Variants in STON1 observed in about 807,000 individuals in gnomAD.
The protein encoded by STON1 is stonin 1, also known as stonin-1.
A neutral mutation model predicts 60.9 loss-of-function variants in STON1; 79 were observed. That is an observed-to-expected ratio of 1.30 (90% CI 1.08 to 1.56). The LOEUF is 1.56. Ranked by LOEUF, STON1 falls within the 40% of genes most tolerant of loss-of-function variation. The probability of loss-of-function intolerance (pLI) is 0.00; values close to 1 mark genes in which losing one functional copy is unlikely to be tolerated. For missense variants in STON1, 1,166 were observed against 858.9 expected (o/e 1.36, Z -4.47); for synonymous variants, 363 against 306.9 (o/e 1.18, Z -1.91).
chr2:48,552,164 C>G (rs1371045703), intron 1 of STON1, among the ~76,000 whole-genome samples: 1 of 152,288 alleles, frequency 6.6e-6, no homozygotes, highest in Non-Finnish European at 1.5e-5. Context: ...ATTATTCAGC[C>G]TTAAAAAGGA....
At position 48,555,521 on chromosome 2, in the gene STON1, C is replaced by G. The variant is rs1402968192; in HGVS notation, c.-47-25066C>G. On this transcript the variant is annotated intron_variant, in intron 1 of 3. Coordinates refer to ENST00000404752, the MANE Select transcript of STON1 (RefSeq NM_006873.4). ...GGGGCTGACCCCCCCACCTCCCTCA[C>G]GGACGAGGCGGCTGGCCGGGCGTGG... Among the ~76,000 whole-genome samples, 2 of 64,232 alleles carry G rather than the reference C, an allele frequency of 3.1e-5. 1 individual carries two copies. The highest frequency in any genetic ancestry group is 1.2e-4 in the African/African-American group (2 of 16,292). The allele number at this position is 64,232 out of a possible 152,430, so 42.1% of individuals were successfully genotyped here. A position where few individuals can be genotyped will look rare whatever the true frequency, so the allele number is the denominator to read the frequency against.
intron 1 of STON1, among the ~76,000 whole-genome samples, chr2:48,556,230 C>T (rs1267211015): frequency 2.4e-4 from 8 of 33,082 alleles, no homozygotes; most frequent in African/African-American, 6.7e-4. Flanking sequence ...GACCCCCCCA[C>T]CTCCCTCCCG....
At chr2:48,576,140 G>A (rs370506726) in intron 1 of STON1, among the ~76,000 whole-genome samples, 5 of 150,332 alleles carry the variant, frequency 3.3e-5, no homozygotes, top group African/African-American at 9.8e-5. Context: ...AATGCACAAG[G>A]GTTCCGATTT....
intron 1 of STON1, among the ~76,000 whole-genome samples, chr2:48,559,372 C>T (rs1672516263): frequency 6.6e-6 from 1 of 152,070 alleles, no homozygotes; most frequent in African/African-American, 2.4e-5. Context: ...CTGCTGAGGT[C>T]CTGTTCCTCA....
chr2:48,588,488 CCACAGCACGTGCCAT>C (rs1674335666), intron 2 of STON1, among the ~76,000 whole-genome samples: 2 of 152,172 alleles, frequency 1.3e-5, no homozygotes, highest in South Asian at 4.1e-4. Context: ...GTAGCTGGGA[CCACAGCACGTGCCAT>C]CACACCTGGT....
chr2:48,566,116 G>A (rs188009695), intron 1 of STON1, among the ~76,000 whole-genome samples: 1 of 152,310 alleles, frequency 6.6e-6, no homozygotes, highest in East Asian at 1.9e-4. Context: ...TATTGCAACA[G>A]GGAAAAGAGT....
chr2:48,595,410 T>C lies in STON1; in HGVS notation c.*108T>C, dbSNP rs951715999. The C allele has an allele frequency of 4.3e-6, 4 of 941,078 alleles. No homozygotes were observed. The African/African-American group carries it at 5.0e-5, about 12-fold the overall frequency. The allele number at this position is 941,078 out of a possible 1,614,324, so 58.3% of individuals were successfully genotyped here. ...GGAAATGACTTCTGAATAGCGGTTT[T>C]AGGACAGGTCTGATGGCTGTGTTTA... is the stretch of plus-strand genomic sequence containing the variant. On this transcript the variant is annotated 3_prime_UTR_variant, in exon 4 of 4. Transcript: ENST00000404752.
intron 1 of STON1, among the ~76,000 whole-genome samples, chr2:48,562,620 G>A (rs1475834354): frequency 6.6e-6 from 1 of 152,222 alleles, no homozygotes; most frequent in African/African-American, 2.4e-5. Context: ...AATGCCATGA[G>A]AGGCCAGGTG....
rs995539343 is a variant in STON1 at position 48,538,769 on chromosome 2, T to C, written c.-48+8553T>C. Reference sequence around the variant, plus strand: ...TGCGCCACCACACCCAGCTATTTTTTTTTTTTTTTTTTTTTTTTTTATATT... The same window carrying C: ...TGCGCCACCACACCCAGCTATTTTTCTTTTTTTTTTTTTTTTTTTTATATT... On this transcript the variant is annotated intron_variant, in intron 1 of 3. Coordinates refer to ENST00000404752, the MANE Select transcript of STON1 (RefSeq NM_006873.4). 7.5e-5 allele frequency among the ~76,000 whole-genome samples: 11 copies of C among 147,564 alleles called. No homozygotes were observed. In the East Asian group the frequency reaches 2.2e-3, roughly 29 times the overall value.
intron 1 of STON1, among the ~76,000 whole-genome samples, chr2:48,541,816 G>A (rs1184469480): frequency 6.6e-6 from 1 of 151,808 alleles, no homozygotes; most frequent in East Asian, 1.9e-4. Flanking sequence ...CGGGAGAGAA[G>A]AGGTCTGAAT....
intron 1 of STON1, among the ~76,000 whole-genome samples, chr2:48,540,113 A>C (rs1671596941): frequency 6.6e-6 from 1 of 151,474 alleles, no homozygotes; most frequent in Admixed American, 6.6e-5. Flanking sequence ...CCTAACTTCC[A>C]CTTCCCTCTG....
At chr2:48,577,218 G>A (rs1673566149) in intron 1 of STON1, among the ~76,000 whole-genome samples, 1 of 151,958 alleles carries the variant, frequency 6.6e-6, no homozygotes, top group African/African-American at 2.4e-5. Flanking sequence ...CCTGTGCTTT[G>A]CTGTCATATC....
At chr2:48,571,110 C>A (rs902019671) in intron 1 of STON1, among the ~76,000 whole-genome samples, 3 of 152,102 alleles carry the variant, frequency 2.0e-5, no homozygotes, top group African/African-American at 7.2e-5. Flanking sequence ...CCCGCCTTGG[C>A]CTTCCAAAGT....
Position 48,581,285 on chromosome 2 carries a change from C to CA in STON1, c.658dup (p.Ser220LysfsTer4). The CA allele has an allele frequency of 6.6e-7, 1 of 1,519,518 alleles. No homozygotes were observed. The highest frequency in any genetic ancestry group is 8.8e-7 in the Non-Finnish European group (1 of 1,137,540). 94.1% of individuals were successfully genotyped at this position (1,519,518 alleles called of 1,614,324 possible). A position where few individuals can be genotyped will look rare whatever the true frequency, so the allele number is the denominator to read the frequency against. ...AAGAAACAAGGAGATGCCTATTGAC[C>CA]AAAAAAGCCTAAATAAGTGTTCACT... On this transcript the variant is annotated frameshift_variant, in exon 2 of 4. Transcript: ENST00000404752. LOFTEE classifies it high-confidence loss of function.
intron 2 of STON1, 113 bp from the exon 3 acceptor site, chr2:48,591,540 T>A (rs1674512253): frequency 1.4e-6 from 2 of 1,407,296 alleles, no homozygotes; most frequent in Non-Finnish European, 1.9e-6. Context: ...TTTGCACTGC[T>A]GCAGTGCTAA....
At chr2:48,554,204 C>CTTTAT (rs967052783) in intron 1 of STON1, among the ~76,000 whole-genome samples, 3 of 152,014 alleles carry the variant, frequency 2.0e-5, no homozygotes, top group Admixed American at 6.6e-5. Context: ...GGTGTTACTC[C>CTTTAT]TTTATTTTAT....
chr2:48,541,576 G>A (rs1466396625), intron 1 of STON1, among the ~76,000 whole-genome samples: 2 of 149,350 alleles, frequency 1.3e-5, no homozygotes, highest in Non-Finnish European at 3.0e-5. Context: ...GTGCACGCCT[G>A]TAGTCCCAGC....
Position 48,582,535 on chromosome 2 carries a change from GATAGAT to G in STON1, c.1903_1908del (p.Ile635_Asp636del), listed in dbSNP as rs780407568. ...GTGCCTACCAGGCAGTGGTATGGAA[GATAGAT>G]CGGCTTCCAGACAAAAATTCAAGTA... is the stretch of plus-strand genomic sequence containing the variant. On this transcript the variant is annotated inframe_deletion, in exon 2 of 4. Transcript: ENST00000404752. 6.2e-6 allele frequency: 10 copies of G among 1,609,896 alleles called. No homozygotes were observed. The South Asian group carries it at 1.1e-4, about 18-fold the overall frequency.
At position 48,591,706 on chromosome 2, in the gene STON1, G is replaced by GA; in HGVS notation, c.1987dup (p.Ile663AsnfsTer4). 6.2e-7 allele frequency: 1 copy of GA among 1,614,090 alleles called. No individual in the cohort carries two copies. The highest frequency in any genetic ancestry group is 2.2e-5 in the East Asian group (1 of 44,880). Reference sequence around the variant, plus strand: ...CAAATTAGAGCTTGGATCAGACCAAGAAATTCCCTCTGATTGGTATCCATT... The same window carrying GA: ...CAAATTAGAGCTTGGATCAGACCAAGAAAATTCCCTCTGATTGGTATCCATT... On this transcript the variant is annotated frameshift_variant, in exon 3 of 4. Coordinates refer to ENST00000404752, the MANE Select transcript of STON1 (RefSeq NM_006873.4). LOFTEE classifies it high-confidence loss of function.
Sources: allele counts gnomAD v4.1 joint callset (sites outside exome capture counted in the v4.1 genomes callset), GRCh38; gene constraint gnomAD v4.1.1; transcripts MANE v1.5; gene names NCBI Gene and HGNC (gene_info 2026-07-23, HGNC 2026-07-21).